CCSER1: variants seen among roughly 807,000 people sequenced by gnomAD.
CCSER1 encodes the protein coiled-coil serine rich protein 1, also known as serine-rich coiled-coil domain-containing protein 1.
CCSER1 carries 41 observed loss-of-function variants against 82.0 expected under a neutral mutation model. The ratio of observed to expected loss-of-function variants is 0.50; its 90% CI spans 0.39 to 0.65. The LOEUF is 0.65. Ranked by LOEUF, CCSER1 falls within the 30% of genes least tolerant of loss-of-function variation. The pLI is 0.00. For synonymous variants in CCSER1, 414 were observed against 383.9 expected, an observed-to-expected ratio of 1.08 and a Z score of -0.92; for missense variants, 1,119 against 1,064.2, an observed-to-expected ratio of 1.05 and a Z score of -0.72.
chr4:90,227,847 A>G (rs1225278306), intron 1 of CCSER1, among the ~76,000 whole-genome samples: 1 of 152,214 alleles, frequency 6.6e-6, no homozygotes, highest in Non-Finnish European at 1.5e-5. Flanking sequence ...TTCCTAGTCA[A>G]AGAAAGGGGT....
rs561867473 is a variant in CCSER1 at position 90,519,082 on chromosome 4, C to A, written c.1724+50728C>A. Among the ~76,000 whole-genome samples the A allele has an allele frequency of 3.3e-5, 5 of 151,860 alleles. No individual in the cohort carries two copies. The East Asian group carries it at 9.7e-4, about 29-fold the overall frequency. On this transcript the variant is annotated intron_variant, in intron 5 of 10. Transcript: ENST00000509176. ...TTGCATTGAAAGATTTTTATATATT[C>A]ATTTGTAAATTTAGCATTAATTTTT...
chr4:91,520,700 G>T (rs931980462), intron 10 of CCSER1, among the ~76,000 whole-genome samples: 3 of 152,078 alleles, frequency 2.0e-5, no homozygotes, highest in Non-Finnish European at 4.4e-5. Context: ...CTTCTTGTAA[G>T]ATAGGTCTGC....
chr4:90,437,228 AAC>A (rs764846488), intron 4 of CCSER1, among the ~76,000 whole-genome samples: 45 of 152,110 alleles, frequency 3.0e-4, no homozygotes, highest in Admixed American at 1.2e-3. Context: ...TTATAATTAA[AAC>A]ACACACGCAC....
chr4:90,768,021 T>A (rs1751509054), intron 7 of CCSER1, among the ~76,000 whole-genome samples: 1 of 152,184 alleles, frequency 6.6e-6, no homozygotes, highest in Non-Finnish European at 1.5e-5. Flanking sequence ...CCCTTCTCAG[T>A]GTTCATGATC....
At chr4:90,615,678 T>G (rs1189712649) in intron 5 of CCSER1, among the ~76,000 whole-genome samples, 1 of 147,288 alleles carries the variant, frequency 6.8e-6, no homozygotes, top group African/African-American at 2.7e-5. Flanking sequence ...AAGTGTTGTT[T>G]TTTTTTTTTC....
intron 10 of CCSER1, among the ~76,000 whole-genome samples, chr4:91,463,105 C>T (rs1172375145): frequency 2.0e-5 from 3 of 152,164 alleles, no homozygotes; most frequent in South Asian, 4.1e-4. Context: ...GGGAGGCACC[C>T]CCCAGTAGAG....
chr4:90,228,238 A>G (rs1042055814), intron 1 of CCSER1, among the ~76,000 whole-genome samples: 16 of 152,218 alleles, frequency 1.1e-4, no homozygotes, highest in African/African-American at 3.6e-4. Flanking sequence ...ACAGCTTTGA[A>G]GAGAGCAGTG....
chr4:91,558,063 CTT>C (rs1027151362), intron 10 of CCSER1, among the ~76,000 whole-genome samples: 2 of 149,580 alleles, frequency 1.3e-5, no homozygotes, highest in African/African-American at 4.9e-5. Flanking sequence ...AATTTTTACT[CTT>C]AATATGGTAT....
intron 10 of CCSER1, among the ~76,000 whole-genome samples, chr4:91,573,780 T>C (rs910763235): frequency 6.6e-6 from 1 of 152,122 alleles, no homozygotes; most frequent in Non-Finnish European, 1.5e-5. Context: ...CCCCTTCCAT[T>C]CCTCTTTGTG....
intron 10 of CCSER1, among the ~76,000 whole-genome samples, chr4:91,510,077 T>C (rs113418908): frequency 0.079 from 12,028 of 152,172 alleles, 604 homozygotes; most frequent in South Asian, 0.18. Flanking sequence ...ACCCATTGTT[T>C]AGCTCCCACT....
At chr4:91,536,872 T>G (rs41335045) in intron 10 of CCSER1, among the ~76,000 whole-genome samples, 10,546 of 152,148 alleles carry the variant, frequency 0.069, 551 homozygotes, top group South Asian at 0.16. Context: ...TATCTTGCTC[T>G]GAGCCCTAGA....
chr4:90,889,038 A>G (rs1340315306), intron 8 of CCSER1, among the ~76,000 whole-genome samples: 1 of 152,174 alleles, frequency 6.6e-6, no homozygotes, highest in Non-Finnish European at 1.5e-5. Context: ...ATAATACGTG[A>G]TCAATATTCT....
chr4:90,617,827 T>G (rs915921424), intron 5 of CCSER1, among the ~76,000 whole-genome samples: 3 of 152,120 alleles, frequency 2.0e-5, no homozygotes, highest in African/African-American at 7.2e-5. Context: ...ATTTTCTTAC[T>G]AATCTCAAGG....
intron 4 of CCSER1, among the ~76,000 whole-genome samples, chr4:90,452,196 C>T (rs1224675826): frequency 1.3e-5 from 2 of 152,122 alleles, no homozygotes; most frequent in African/African-American, 4.8e-5. Flanking sequence ...AGTCCAGGTT[C>T]TCTAAGGGGG....
intron 8 of CCSER1, among the ~76,000 whole-genome samples, chr4:90,818,784 G>T (rs985052031): frequency 6.6e-6 from 1 of 152,130 alleles, no homozygotes; most frequent in Non-Finnish European, 1.5e-5. Flanking sequence ...TTGCCTCCAG[G>T]TGAGAACCAC....
chr4:91,258,550 T>C (rs1281403309), intron 10 of CCSER1, among the ~76,000 whole-genome samples: 2 of 152,234 alleles, frequency 1.3e-5, no homozygotes, highest in African/African-American at 4.8e-5. Context: ...TGACTGATTG[T>C]CACTGCAATT....
intron 10 of CCSER1, among the ~76,000 whole-genome samples, chr4:91,306,579 C>T (rs1023819262): frequency 3.3e-5 from 5 of 151,868 alleles, no homozygotes; most frequent in East Asian, 1.9e-4. Context: ...TACCTAAACA[C>T]GTTAATTCTT....
Position 91,599,989 on chromosome 4 carries a change from A to G in CCSER1, c.*932A>G, listed in dbSNP as rs971763426. On this transcript the variant is annotated 3_prime_UTR_variant, in exon 11 of 11. Transcript: ENST00000509176. ...AAATGTTCTTTTTTATGTAAATCCAATTTTGGTTTATATACATCAACCCAT... is the reference window on the plus strand; with the variant it reads ...AAATGTTCTTTTTTATGTAAATCCAGTTTTGGTTTATATACATCAACCCAT... 18 of 152,186 alleles carry G rather than the reference A, an allele frequency of 1.2e-4. No individual in the cohort carries two copies. The South Asian group carries it at 2.9e-3, about 25-fold the overall frequency. 9.4% of individuals were successfully genotyped at this position (152,186 alleles called of 1,614,324 possible).
At chr4:90,884,218 C>CA (rs936833580) in intron 8 of CCSER1, among the ~76,000 whole-genome samples, 1 of 151,826 alleles carries the variant, frequency 6.6e-6, no homozygotes, top group Non-Finnish European at 1.5e-5. Flanking sequence ...CCAAGATGAA[C>CA]AAAAAAGATT....
Sources: gnomAD v4.1 joint callset for allele counts (sites outside exome capture counted in the v4.1 genomes callset) on GRCh38, gnomAD v4.1.1 for gene constraint, MANE v1.5 for transcripts, NCBI Gene and HGNC (gene_info 2026-07-23, HGNC 2026-07-21) for gene names.